Variants in ASH1L observed in about 807,000 individuals in gnomAD.
ASH1L encodes the protein ASH1 like histone lysine methyltransferase.
ASH1L carries 23 observed loss-of-function variants against 269.0 expected under a neutral mutation model. That is an observed-to-expected ratio of 0.09 (90% CI 0.06 to 0.12). ASH1L has a LOEUF of 0.12. ASH1L is among the 10% of genes least tolerant of loss of function. The pLI, the probability that ASH1L is intolerant of heterozygous loss-of-function variation, is 1.00. For synonymous variants in ASH1L, 1,187 were observed against 1,253.5 expected (o/e 0.95, Z 1.12); for missense variants, 2,912 against 3,567.8 (o/e 0.82, Z 4.68).
chr1:155,489,964 C>T (rs1307162485), intron 2 of ASH1L, among the ~76,000 whole-genome samples: 1 of 151,512 alleles, frequency 6.6e-6, no homozygotes, highest in African/African-American at 2.4e-5. Context: ...TAGACAATGA[C>T]ATGTAAGACT....
chr1:155,402,644 C>T (rs1658947768), intron 6 of ASH1L, among the ~76,000 whole-genome samples: 1 of 152,090 alleles, frequency 6.6e-6, no homozygotes, highest in African/African-American at 2.4e-5. Context: ...ACTCCTAAGG[C>T]TCAAGCAATC....
At chr1:155,395,398 C>A in intron 7 of ASH1L, 61 bp downstream of exon 7, 1 of 1,227,638 alleles carries the variant, frequency 8.1e-7, no homozygotes, top group Non-Finnish European at 1.1e-6. Flanking sequence ...AAAGACATTT[C>A]CCTCAAACCC....
chr1:155,547,768 T>C lies in ASH1L; in HGVS notation c.-100+14385A>G, dbSNP rs180911038. Among the ~76,000 whole-genome samples the C allele has an allele frequency of 5.0e-4, 75 of 149,762 alleles. No individual in the cohort carries two copies. In the East Asian group the frequency reaches 0.012, roughly 25 times the overall value. ...ACAGTGGCTCATGAAGTCAGGAGAT[T>C]GAGACCATCCTGGCTAACAGGGTGA... On this transcript the variant is annotated intron_variant, in intron 1 of 27. Coordinates refer to ENST00000392403, the MANE Select transcript of ASH1L (RefSeq NM_018489.3).
At chr1:155,494,333 G>A (rs1667008916) in intron 2 of ASH1L, among the ~76,000 whole-genome samples, 1 of 152,178 alleles carries the variant, frequency 6.6e-6, no homozygotes, top group East Asian at 1.9e-4. Flanking sequence ...GTTGCAGGTG[G>A]TAGGAAAATG....
chr1:155,491,511 A>G (rs1247220201), intron 2 of ASH1L, among the ~76,000 whole-genome samples: 1 of 152,262 alleles, frequency 6.6e-6, no homozygotes, highest in Non-Finnish European at 1.5e-5. Context: ...TTAAAAGATT[A>G]AAGAGTGGTT....
Position 155,562,048 on chromosome 1 carries a change from T to C in ASH1L, c.-100+105A>G, listed in dbSNP as rs377014224. 0.014 allele frequency: 11,661 copies of C among 809,592 alleles called. 859 individuals carry two copies. In the African/African-American group the frequency reaches 0.17, roughly 12 times the overall value. The allele number at this position is 809,592 out of a possible 1,614,324, so 50.2% of individuals were successfully genotyped here. A position where few individuals can be genotyped will look rare whatever the true frequency, so the allele number is the denominator to read the frequency against. ...CTCCCCCATCTTCACCACTGCTCTC[T>C]CAGAGATCCAGGTCCGGGAGATGAC... On this transcript the variant is annotated intron_variant, in intron 1 of 27. Transcript: ENST00000392403.
chr1:155,370,797 G>C lies in ASH1L; in HGVS notation c.6519C>G (p.Val2173=), dbSNP rs765621026. The C allele has an allele frequency of 1.4e-5, 22 of 1,614,020 alleles. No individual in the cohort carries two copies. Among genetic ancestry groups the C allele is most frequent in the Non-Finnish European group, 1.7e-5 (20 of 1,180,010 alleles). ...CGTACCTGAACTCCTGTTCACTGAC[G>C]ACCTCCCCTAGGTATTCAATGATGA... The part of the protein sequence containing the change: ...GQFIIEYLGE[V]VSEQEFRNRM... The change falls in exon 11 of 28, where the codon GTC becomes GTG. Residue 2173 remains valine, a synonymous_variant. Transcript: ENST00000392403.
At chr1:155,445,805 CTT>C (rs896844773) in intron 4 of ASH1L, among the ~76,000 whole-genome samples, 6 of 151,970 alleles carry the variant, frequency 3.9e-5, no homozygotes, top group Non-Finnish European at 8.8e-5. Flanking sequence ...CTCAAAAAGA[CTT>C]TGTATTTTTT....
chr1:155,358,512 A>C lies in ASH1L; in HGVS notation c.6796-763T>G, dbSNP rs573253369. 3.9e-3 allele frequency among the ~76,000 whole-genome samples: 588 copies of C among 152,032 alleles called. 3 individuals are homozygous for C. The highest frequency in any genetic ancestry group is 0.033 in the South Asian group (160 of 4,814). ...CATCCTGGCTAACATGGTAAAACCC[A>C]GTCTCTACTAAAAAAAATACAAAAA... On this transcript the variant is annotated intron_variant, in intron 13 of 27. Coordinates refer to ENST00000392403, the MANE Select transcript of ASH1L (RefSeq NM_018489.3).
At chr1:155,355,619 G>A (rs1277833816) in intron 15 of ASH1L, among the ~76,000 whole-genome samples, 1 of 152,196 alleles carries the variant, frequency 6.6e-6, no homozygotes, top group Non-Finnish European at 1.5e-5. Flanking sequence ...GGTCTAGGGT[G>A]TGGCCTGGGC....
chr1:155,360,011 GCCTCCAATAAACTGGGATTA>G (rs1654800567), intron 13 of ASH1L, among the ~76,000 whole-genome samples: 1 of 151,912 alleles, frequency 6.6e-6, no homozygotes. Flanking sequence ...TCCTGCCTTA[GCCTCCAATAAACTGGGATTA>G]CAGGTGCGCG....
chr1:155,512,003 G>C (rs1407078774), intron 2 of ASH1L, among the ~76,000 whole-genome samples: 1 of 151,532 alleles, frequency 6.6e-6, no homozygotes, highest in Non-Finnish European at 1.5e-5. Context: ...GTAGAGACAG[G>C]GTTTCTCCAT....
chr1:155,453,409 C>T (rs1461655479), intron 4 of ASH1L, among the ~76,000 whole-genome samples: 1 of 152,140 alleles, frequency 6.6e-6, no homozygotes, highest in Non-Finnish European at 1.5e-5. Context: ...TTATGCTTTA[C>T]CACTATACTC....
chr1:155,531,481 C>T (rs1398953459), intron 1 of ASH1L, among the ~76,000 whole-genome samples: 2 of 151,884 alleles, frequency 1.3e-5, no homozygotes, highest in South Asian at 2.1e-4. Flanking sequence ...TTTTTATCTG[C>T]ACTTAATTCC....
rs1301618387 is a variant in ASH1L at position 155,382,732 on chromosome 1, T to C, written c.6104-2616A>G. On this transcript the variant is annotated intron_variant, in intron 7 of 27. Transcript: ENST00000392403. ...TAATGTGGGTTTGTGTCTTAGCTCT[T>C]TTTTTTTTTTCAAGACAGTGTCTCG... 2.7e-5 allele frequency among the ~76,000 whole-genome samples: 4 copies of C among 148,878 alleles called. No homozygotes were observed. The South Asian group carries it at 8.4e-4, about 31-fold the overall frequency.
Position 155,480,939 on chromosome 1 carries a change from G to A in ASH1L, c.1931C>T (p.Pro644Leu). The A allele has an allele frequency of 1.2e-6, 2 of 1,613,866 alleles. No homozygotes were observed. Among genetic ancestry groups the A allele is most frequent in the Non-Finnish European group, 8.5e-7 (1 of 1,179,910 alleles). ...NDSKTTHIDI[P>L]RISSSLGKKP... ...TTTTCCAAGGGAAGAGCTTATTCTT[G>A]GAATATCTATATGGGTAGTTTTTGA... is the stretch of plus-strand genomic sequence containing the variant. Residue 644 changes from proline to leucine, a missense_variant, in exon 3 of 28, where the codon CCA (proline) becomes CTA (leucine). Pro to Leu is a moderately conservative substitution (Grantham distance 98, BLOSUM62 -3). Coordinates refer to ENST00000392403, the MANE Select transcript of ASH1L (RefSeq NM_018489.3).
chr1:155,373,940 T>C (rs1191364136), intron 10 of ASH1L, among the ~76,000 whole-genome samples: 1 of 152,142 alleles, frequency 6.6e-6, no homozygotes, highest in East Asian at 1.9e-4. Context: ...AAATGCTGGA[T>C]TACAGGCGTA....
At chr1:155,428,098 A>C (rs1661297521) in intron 5 of ASH1L, among the ~76,000 whole-genome samples, 1 of 151,934 alleles carries the variant, frequency 6.6e-6, no homozygotes, top group African/African-American at 2.4e-5. Context: ...TTTTCTTTAT[A>C]AATTACCCAG....
At position 155,393,558 on chromosome 1, in the gene ASH1L, C is replaced by CT. The variant is rs1188916609; in HGVS notation, c.6103+1900dup. On this transcript the variant is annotated intron_variant, in intron 7 of 27. Coordinates refer to ENST00000392403, the MANE Select transcript of ASH1L (RefSeq NM_018489.3). Reference sequence around the variant, plus strand: ...TCAATATTTTATCCTTATTTCTTTTCTTTTTTTTTTTTTTGAGACTGAGTC... The same window carrying CT: ...TCAATATTTTATCCTTATTTCTTTTCTTTTTTTTTTTTTTTGAGACTGAGTC... 3.3e-3 allele frequency among the ~76,000 whole-genome samples: 465 copies of CT among 142,192 alleles called. 1 individual carries two copies. Among genetic ancestry groups the CT allele is most frequent in the Middle Eastern group, 3.6e-3 (1 of 280 alleles). 93.3% of individuals were successfully genotyped at this position (142,192 alleles called of 152,430 possible).
Sources: allele counts gnomAD v4.1 joint callset (sites outside exome capture counted in the v4.1 genomes callset), GRCh38; gene constraint gnomAD v4.1.1; transcripts MANE v1.5; gene names NCBI Gene and HGNC (gene_info 2026-07-23, HGNC 2026-07-21).